The following PPP2R2B variants were observed in gnomAD, a reference collection of about 807,000 sequenced individuals.
The protein encoded by PPP2R2B is protein phosphatase 2 regulatory subunit Bbeta, also known as serine/threonine-protein phosphatase 2A 55 kDa regulatory subunit B beta isoform.
In PPP2R2B, 5 loss-of-function variants were observed where a neutral mutation model predicts 46.0. The observed-to-expected ratio is 0.11, with a 90% CI of 0.06 to 0.23. The LOEUF (loss-of-function observed/expected upper bound fraction) is 0.23. Ranked by LOEUF, PPP2R2B falls within the 10% of genes least tolerant of loss-of-function variation. The probability of loss-of-function intolerance (pLI) is 1.00; values close to 1 mark genes in which losing one functional copy is unlikely to be tolerated. For missense variants in PPP2R2B, 367 were observed against 575.0 expected (o/e 0.64, Z 3.70); for synonymous variants, 215 against 206.7 (o/e 1.04, Z -0.34).
intron 7 of PPP2R2B, among the ~76,000 whole-genome samples, chr5:146,618,727 A>AC (rs1464327382): frequency 1.3e-5 from 2 of 152,206 alleles, no homozygotes; most frequent in African/African-American, 4.8e-5. Context: ...GAGCTGGTGA[A>AC]CCCCAGCTCA....
intron 1 of PPP2R2B, among the ~76,000 whole-genome samples, chr5:147,054,978 A>G (rs1757007037): frequency 6.6e-6 from 1 of 152,218 alleles, no homozygotes; most frequent in African/African-American, 2.4e-5. Flanking sequence ...AATGTTTACA[A>G]GGCACACATA....
intron 2 of PPP2R2B, among the ~76,000 whole-genome samples, chr5:146,846,756 C>T (rs1053779852): frequency 8.6e-5 from 13 of 151,942 alleles, no homozygotes; most frequent in African/African-American, 2.7e-4. Flanking sequence ...ACATATGTGG[C>T]TTATGTTAGA....
Position 146,984,382 on chromosome 5 carries a change from C to T in PPP2R2B, c.79+71283G>A, listed in dbSNP as rs1299895810. Among the ~76,000 whole-genome samples, 5 of 152,302 alleles carry T rather than the reference C, an allele frequency of 3.3e-5. No homozygotes were observed. In the South Asian group the frequency reaches 6.2e-4, roughly 19 times the overall value. On this transcript the variant is annotated intron_variant, in intron 1 of 8. Coordinates refer to the PPP2R2B transcript ENST00000336640. ...CTTATTTGACTTAGCATAATGTTCT[C>T]CAGTTCCATCTATGTTGTCACAAAT... is the stretch of plus-strand genomic sequence containing the variant.
intron 2 of PPP2R2B, among the ~76,000 whole-genome samples, chr5:146,867,589 T>A (rs1485386963): frequency 6.6e-6 from 1 of 152,160 alleles, no homozygotes; most frequent in East Asian, 1.9e-4. Flanking sequence ...CAAGATGAAG[T>A]GACCTGCCCA....
intron 5 of PPP2R2B, among the ~76,000 whole-genome samples, chr5:146,658,590 A>T (rs1776489558): frequency 6.6e-6 from 1 of 152,178 alleles, no homozygotes; most frequent in Admixed American, 6.6e-5. Flanking sequence ...ACTATGTGAA[A>T]AAGTTTTAAG....
intron 2 of PPP2R2B, chr5:146,751,491 T>C (rs1435476554): frequency 6.6e-6 from 1 of 152,266 alleles, no homozygotes; most frequent in Non-Finnish European, 1.5e-5. Context: ...TCCTGTCTTC[T>C]TTCTGTCTTT....
At chr5:147,025,214 C>T (rs1755469736) in intron 1 of PPP2R2B, among the ~76,000 whole-genome samples, 1 of 151,826 alleles carries the variant, frequency 6.6e-6, no homozygotes, top group South Asian at 2.1e-4. Context: ...TACAATTTAA[C>T]AAAACTGATA....
chr5:146,644,436 C>T (rs1195311715), intron 6 of PPP2R2B, among the ~76,000 whole-genome samples: 1 of 151,984 alleles, frequency 6.6e-6, no homozygotes, highest in Non-Finnish European at 1.5e-5. Flanking sequence ...GATTTTTGGT[C>T]ATTTTATTTT....
At chr5:146,631,195 C>T (rs1270767117) in intron 7 of PPP2R2B, among the ~76,000 whole-genome samples, 1 of 152,196 alleles carries the variant, frequency 6.6e-6, no homozygotes, top group Non-Finnish European at 1.5e-5. Flanking sequence ...TTTGATCTTT[C>T]CTGCTGTCTC....
intron 1 of PPP2R2B, among the ~76,000 whole-genome samples, chr5:146,903,218 GAATT>G (rs1182517094): frequency 1.3e-5 from 2 of 151,964 alleles, no homozygotes; most frequent in African/African-American, 2.4e-5. Flanking sequence ...ATTTTTAATT[GAATT>G]AATAAATAAT....
chr5:146,903,662 T>G (rs759036946), intron 1 of PPP2R2B, among the ~76,000 whole-genome samples: 25 of 152,142 alleles, frequency 1.6e-4, no homozygotes, highest in Non-Finnish European at 2.6e-4. Flanking sequence ...CTTCCCAAAG[T>G]GCTGGAATTA....
chr5:146,873,934 C>T (rs896589413), intron 2 of PPP2R2B, among the ~76,000 whole-genome samples: 3 of 152,230 alleles, frequency 2.0e-5, no homozygotes, highest in Non-Finnish European at 2.9e-5. Flanking sequence ...CCATAGTCAT[C>T]TTTCCATTCC....
intron 1 of PPP2R2B, among the ~76,000 whole-genome samples, chr5:147,053,224 AAAC>A (rs200471600): frequency 1.8e-3 from 157 of 85,986 alleles, no homozygotes; most frequent in Non-Finnish European, 2.6e-3. Context: ...TAAAAAAAAA[AAAC>A]ACACGCGCAC....
chr5:146,963,633 AT>A (rs560010446), intron 1 of PPP2R2B, among the ~76,000 whole-genome samples: 345 of 152,004 alleles, frequency 2.3e-3, no homozygotes, highest in Non-Finnish European at 2.8e-3. Context: ...TCCTGTCTTC[AT>A]TTTTTTTCCC....
chr5:147,010,418 T>C (rs985392854), intron 1 of PPP2R2B, among the ~76,000 whole-genome samples: 1 of 152,168 alleles, frequency 6.6e-6, no homozygotes, highest in Non-Finnish European at 1.5e-5. Flanking sequence ...CAACTCACCA[T>C]AATGTAGAAT....
chr5:147,019,762 G>T (rs1755174480), intron 1 of PPP2R2B, among the ~76,000 whole-genome samples: 1 of 152,080 alleles, frequency 6.6e-6, no homozygotes, highest in South Asian at 2.1e-4. Flanking sequence ...TCTTTTCATT[G>T]TAGCATGTAA....
chr5:146,965,037 G>T (rs978299211), intron 1 of PPP2R2B, among the ~76,000 whole-genome samples: 1 of 152,038 alleles, frequency 6.6e-6, no homozygotes, highest in African/African-American at 2.4e-5. Context: ...AATTGATGGG[G>T]CTACACACCA....
chr5:146,749,029 C>T (rs1430764579), intron 2 of PPP2R2B, among the ~76,000 whole-genome samples: 1 of 152,162 alleles, frequency 6.6e-6, no homozygotes, highest in Non-Finnish European at 1.5e-5. Context: ...TTTTACATTC[C>T]TATCAAAAAT....
chr5:147,026,373 T>C lies in PPP2R2B; in HGVS notation c.79+29292A>G, dbSNP rs536846397. ...AGTTAAAGAAGCCAGGAAAAATACA[T>C]ACTCTATGAGTTTATATATATAAAA... On this transcript the variant is annotated intron_variant, in intron 1 of 8. Transcript: ENST00000336640. Among the ~76,000 whole-genome samples, 12 of 152,226 alleles carry C rather than the reference T, an allele frequency of 7.9e-5. No individual in the cohort carries two copies. In the South Asian group the frequency reaches 2.3e-3, roughly 29 times the overall value.
Sources: gnomAD v4.1 joint callset for allele counts (sites outside exome capture counted in the v4.1 genomes callset) on GRCh38, gnomAD v4.1.1 for gene constraint, MANE v1.5 for transcripts, NCBI Gene and HGNC (gene_info 2026-07-23, HGNC 2026-07-21) for gene names.